Variants in RIPOR2 observed in about 807,000 individuals in gnomAD.
RIPOR2 encodes the protein rho family-interacting cell polarization regulator 2.
A neutral mutation model predicts 114.5 loss-of-function variants in RIPOR2; 39 were observed. The ratio of observed to expected loss-of-function variants is 0.34; its 90% confidence interval spans 0.26 to 0.44. The LOEUF is 0.44. RIPOR2 is among the 20% of genes least tolerant of loss of function. The pLI is 1.00. For missense variants in RIPOR2, 1,007 were observed against 1,255.1 expected, an observed-to-expected ratio of 0.80 and a Z score of 2.99; for synonymous variants, 445 against 484.4, an observed-to-expected ratio of 0.92 and a Z score of 1.07.
chr6:24,935,724 G>A, intron 1 of RIPOR2, 114 bp downstream of exon 1: 1 of 737,410 alleles, frequency 1.4e-6, no homozygotes, highest in Admixed American at 2.4e-5. Flanking sequence ...AGGATGCTTT[G>A]TTTTTATCAT....
At chr6:24,963,007 C>T (rs116678274) in intron 1 of RIPOR2, among the ~76,000 whole-genome samples, 2,714 of 152,206 alleles carry the variant, frequency 0.018, 79 homozygotes, top group African/African-American at 0.059. Context: ...TGATTGGCTA[C>T]GCAAACCACA....
intron 1 of RIPOR2, among the ~76,000 whole-genome samples, chr6:24,890,296 A>G (rs921173499): frequency 3.3e-5 from 5 of 152,252 alleles, no homozygotes; most frequent in Non-Finnish European, 5.9e-5. Context: ...TGTGGTATAT[A>G]TACACAATAC....
chr6:25,010,738 C>T (rs962946789), intron 1 of RIPOR2, among the ~76,000 whole-genome samples: 5 of 152,132 alleles, frequency 3.3e-5, no homozygotes, highest in South Asian at 2.1e-4. Context: ...ACTTCCACTC[C>T]GTAAACGTTT....
chr6:24,929,811 C>A (rs2778500), intron 1 of RIPOR2, among the ~76,000 whole-genome samples: 6,525 of 152,202 alleles, frequency 0.043, 462 homozygotes, highest in African/African-American at 0.14. Context: ...TGGTGGCTTA[C>A]GCTTGTAATC....
chr6:25,013,517 G>A (rs36125243), intron 1 of RIPOR2, among the ~76,000 whole-genome samples: 5,333 of 152,312 alleles, frequency 0.035, 115 homozygotes, highest in Non-Finnish European at 0.054. Context: ...GGACTGTAGG[G>A]AGGTGAGCCC....
At chr6:24,976,913 C>T (rs1040612193) in intron 1 of RIPOR2, 25 of 1,599,058 alleles carry the variant, frequency 1.6e-5, no homozygotes, top group East Asian at 4.5e-5. Context: ...GGCCATGGAG[C>T]GCTTTGGGTC....
chr6:25,034,619 A>C (rs184564349), intron 1 of RIPOR2, among the ~76,000 whole-genome samples: 1 of 152,340 alleles, frequency 6.6e-6, no homozygotes, highest in Non-Finnish European at 1.5e-5. Context: ...CATCAAACAA[A>C]CAACCTGAGA....
At chr6:24,828,912 G>A (rs2113675738) in intron 17 of RIPOR2, among the ~76,000 whole-genome samples, 1 of 152,206 alleles carries the variant, frequency 6.6e-6, no homozygotes, top group South Asian at 2.1e-4. Context: ...TCATGTAAAT[G>A]GAATTATATA....
intron 1 of RIPOR2, among the ~76,000 whole-genome samples, chr6:24,892,213 T>A (rs1033728443): frequency 4.6e-5 from 7 of 152,188 alleles, no homozygotes; most frequent in Non-Finnish European, 8.8e-5. Flanking sequence ...TCTCCCCTAA[T>A]GCACCCTCCA....
chr6:24,999,397 G>T (rs761098755), intron 1 of RIPOR2, among the ~76,000 whole-genome samples: 4 of 152,068 alleles, frequency 2.6e-5, no homozygotes, highest in African/African-American at 9.7e-5. Context: ...AGGAATTTTC[G>T]TGAATATTCC....
At chr6:24,942,634 G>A (rs1772196078) in intron 1 of RIPOR2, among the ~76,000 whole-genome samples, 1 of 152,126 alleles carries the variant, frequency 6.6e-6, no homozygotes, top group Admixed American at 6.5e-5. Context: ...ATCTCATTGT[G>A]GTTTTGATTT....
intron 1 of RIPOR2, among the ~76,000 whole-genome samples, chr6:24,966,988 C>A (rs1205378419): frequency 6.6e-6 from 1 of 152,206 alleles, no homozygotes; most frequent in Non-Finnish European, 1.5e-5. Flanking sequence ...CAACCACTTT[C>A]TTTCAATATC....
intron 4 of RIPOR2, 32 bp downstream of exon 4, chr6:24,872,849 T>C (rs1765334214): frequency 7.0e-7 from 1 of 1,426,666 alleles, no homozygotes; most frequent in African/African-American, 1.4e-5. Context: ...AAAAGAACAG[T>C]GTTAACATCA....
intron 1 of RIPOR2, among the ~76,000 whole-genome samples, chr6:24,928,437 G>A (rs1183153717): frequency 6.6e-6 from 1 of 152,114 alleles, no homozygotes; most frequent in Non-Finnish European, 1.5e-5. Context: ...GATTTCTGAA[G>A]TTCAATTTAT....
At chr6:25,023,418 A>G (rs1776427461) in intron 1 of RIPOR2, 1 of 769,056 alleles carries the variant, frequency 1.3e-6, no homozygotes, top group South Asian at 1.3e-5. Flanking sequence ...CCAAGGATGT[A>G]CACCCGGCCC....
chr6:24,912,843 A>G (rs993838047), intron 1 of RIPOR2, among the ~76,000 whole-genome samples: 4 of 152,154 alleles, frequency 2.6e-5, no homozygotes, highest in African/African-American at 9.7e-5. Flanking sequence ...TATGAGAGGG[A>G]GGAGGAAGAG....
At position 24,935,855 on chromosome 6, in the gene RIPOR2, T is replaced by C. The variant is rs1244084102; in HGVS notation, c.44A>G (p.Asp15Gly). The change falls in exon 1 of 22, where the codon GAT becomes GGT. Residue 15 changes from aspartate to glycine, a missense_variant. Physicochemically the swap from Asp to Gly is moderately conservative, Grantham distance 94. Transcript: ENST00000643898. The part of the protein sequence containing the change: ...DAEELLVDEE[D>G]DVFGEGLPTR... ...GCATTTACCTTCACCAAAAACATCA[T>C]CCTCTTCATCGACCAGGAGCTCCTC... 2.0e-6 allele frequency: 3 copies of C among 1,535,368 alleles called. No individual in the cohort carries two copies. Among genetic ancestry groups the C allele is most frequent in the African/African-American group, 1.4e-5 (1 of 73,100 alleles).
intron 1 of RIPOR2, among the ~76,000 whole-genome samples, chr6:24,881,413 A>G (rs1246163426): frequency 1.3e-5 from 2 of 152,156 alleles, no homozygotes; most frequent in African/African-American, 4.8e-5. Context: ...CCTGGCTGTC[A>G]TACCAGGTTG....
intron 1 of RIPOR2, among the ~76,000 whole-genome samples, chr6:24,893,607 A>G (rs2113979961): frequency 6.6e-6 from 1 of 152,340 alleles, no homozygotes; most frequent in Admixed American, 6.5e-5. Context: ...GAAGGTTATA[A>G]TCTGACCACA....
Sources: allele counts gnomAD v4.1 joint callset (sites outside exome capture counted in the v4.1 genomes callset), GRCh38; gene constraint gnomAD v4.1.1; transcripts MANE v1.5; gene names NCBI Gene and HGNC (gene_info 2026-07-23, HGNC 2026-07-21).